EPHB2: variants seen among roughly 807,000 people sequenced by gnomAD.
EPHB2 encodes ephrin type-B receptor 2.
In EPHB2, 18 loss-of-function variants were observed where a neutral mutation model predicts 96.4. That is an observed-to-expected ratio of 0.19 (90% confidence interval 0.13 to 0.28). EPHB2 has a LOEUF of 0.28. Among genes scored for constraint, EPHB2 ranks in the 10% least tolerant of loss-of-function variants. EPHB2 has a pLI of 1.00. For missense variants in EPHB2, 989 were observed against 1,355.4 expected (o/e 0.73, Z 4.25); for synonymous variants, 506 against 534.1 (o/e 0.95, Z 0.72).
At chr1:22,770,756 A>G (rs1459851646) in intron 1 of EPHB2, among the ~76,000 whole-genome samples, 1 of 152,134 alleles carries the variant, frequency 6.6e-6, no homozygotes, top group African/African-American at 2.4e-5. Context: ...GCAGGAAGGA[A>G]GGGATGAAGG....
intron 3 of EPHB2, among the ~76,000 whole-genome samples, chr1:22,835,413 A>T (rs181449855): frequency 1.3e-5 from 2 of 152,168 alleles, no homozygotes; most frequent in Non-Finnish European, 2.9e-5. Flanking sequence ...GAAAGAGGAC[A>T]TAACAGGAAG....
chr1:22,826,432 CTT>C (rs764300602), intron 3 of EPHB2, among the ~76,000 whole-genome samples: 2 of 152,200 alleles, frequency 1.3e-5, no homozygotes, highest in Non-Finnish European at 2.9e-5. Context: ...AGAATTTAAA[CTT>C]TTGATGTTTA....
At chr1:22,725,822 C>G (rs1241410078) in intron 1 of EPHB2, among the ~76,000 whole-genome samples, 1 of 152,200 alleles carries the variant, frequency 6.6e-6, no homozygotes, top group Non-Finnish European at 1.5e-5. Flanking sequence ...TCTACTCATT[C>G]CACCTTGAGA....
chr1:22,912,951 T>C (rs539625505), intron 15 of EPHB2: 26 of 368,530 alleles, frequency 7.1e-5, no homozygotes, highest in African/African-American at 4.6e-4. Flanking sequence ...TCTTAGTACA[T>C]TGGGAGGCCG....
intron 3 of EPHB2, among the ~76,000 whole-genome samples, chr1:22,805,654 G>C (rs1159936694): frequency 6.6e-6 from 1 of 152,190 alleles, no homozygotes; most frequent in African/African-American, 2.4e-5. Context: ...AGCGGGTGGG[G>C]GTGCAAAGGC....
chr1:22,740,995 C>T (rs533910856), intron 1 of EPHB2, among the ~76,000 whole-genome samples: 7 of 152,112 alleles, frequency 4.6e-5, no homozygotes, highest in Admixed American at 1.3e-4. Flanking sequence ...TTGCTGACGG[C>T]GGGGATTGAC....
intron 12 of EPHB2, 84 bp downstream of exon 12, chr1:22,908,252 C>A: frequency 6.5e-7 from 1 of 1,529,362 alleles, no homozygotes; most frequent in Non-Finnish European, 9.0e-7. Context: ...GACACTTTCA[C>A]TAACGCCCAA....
chr1:22,892,786 A>T, intron 6 of EPHB2, 98 bp from the exon 7 acceptor site: 4 of 1,478,414 alleles, frequency 2.7e-6, no homozygotes, highest in Non-Finnish European at 3.8e-6. Flanking sequence ...TGTTTATCCA[A>T]TGGCCAGACC....
Position 22,858,366 on chromosome 1 carries a change from A to T in EPHB2, c.812-4671A>T, listed in dbSNP as rs1489371160. On this transcript the variant is annotated intron_variant, in intron 3 of 15. Transcript: ENST00000374630. This position sits in a 1 kb window ranked among gnomAD's most constrained non-coding sequence, Gnocchi z 7.7. ...GTTTAGACAAGATGCCGCAGGTCTG[A>T]TTCATTTTAAACAGATCACTCCAGG... Among the ~76,000 whole-genome samples, 2 of 152,142 alleles carry T rather than the reference A, an allele frequency of 1.3e-5. No individual in the cohort carries two copies. Among genetic ancestry groups the T allele is most frequent in the African/African-American group, 4.8e-5 (2 of 41,438 alleles).
intron 3 of EPHB2, among the ~76,000 whole-genome samples, chr1:22,832,092 A>G (rs918829693): frequency 1.6e-4 from 24 of 152,052 alleles, no homozygotes; most frequent in Non-Finnish European, 3.4e-4. Flanking sequence ...TTGAGCGGGG[A>G]ATAGGGAGAG....
rs549577691 is a variant in EPHB2, at chr1:22,759,581, C to T, written c.62-21840C>T. On this transcript the variant is annotated intron_variant, in intron 1 of 15. Coordinates refer to ENST00000374630, the MANE Select transcript of EPHB2 (RefSeq NM_017449.5). ...TGTCCCTGACAGTGATGGGAAGGGGCCTTGCAAACTGTTTAGGACTGCGCT... is the reference window on the plus strand; with the variant it reads ...TGTCCCTGACAGTGATGGGAAGGGGTCTTGCAAACTGTTTAGGACTGCGCT... 3.9e-5 allele frequency among the ~76,000 whole-genome samples: 6 copies of T among 152,208 alleles called. No homozygotes were observed. The East Asian group carries it at 1.2e-3, about 29-fold the overall frequency.
At chr1:22,764,919 C>T (rs926174659) in intron 1 of EPHB2, among the ~76,000 whole-genome samples, 1 of 152,110 alleles carries the variant, frequency 6.6e-6, no homozygotes. Context: ...GTTTCACCCT[C>T]GCCAGTTTGG....
chr1:22,874,803 C>G (rs1169370564), intron 5 of EPHB2, among the ~76,000 whole-genome samples: 2 of 152,132 alleles, frequency 1.3e-5, no homozygotes, highest in Non-Finnish European at 2.9e-5. Context: ...ATAATAATGT[C>G]TCCTGGACCC....
chr1:22,808,221 G>A (rs1644954967), intron 3 of EPHB2, among the ~76,000 whole-genome samples: 1 of 152,154 alleles, frequency 6.6e-6, no homozygotes, highest in South Asian at 2.1e-4. Context: ...GGCCCATTGT[G>A]GATGAGGGGA....
rs1241905887 is a variant in EPHB2 at position 22,915,232 on chromosome 1, A to G, written c.*1662A>G. 2 of 152,130 alleles carry G rather than the reference A, an allele frequency of 1.3e-5. No individual in the cohort carries two copies. The highest frequency in any genetic ancestry group is 2.9e-5 in the Non-Finnish European group (2 of 68,032). 9.4% of individuals were successfully genotyped at this position (152,130 alleles called of 1,614,324 possible). ...CCATGGGGACGCCCTCAGTCTAGGG[A>G]TCTGGCCACAGACTCCCTCCTGTGA... On this transcript the variant is annotated 3_prime_UTR_variant, in exon 16 of 16. Transcript: ENST00000374630.
intron 3 of EPHB2, among the ~76,000 whole-genome samples, chr1:22,837,819 A>G (rs756289116): frequency 6.6e-6 from 1 of 152,102 alleles, no homozygotes; most frequent in African/African-American, 2.4e-5. Context: ...TTGTTTACCC[A>G]GCTGGTGTGA....
In EPHB2 at chr1:22,858,096, G is replaced by T. The variant is rs190770774; in HGVS notation, c.812-4941G>T. 6.6e-6 allele frequency among the ~76,000 whole-genome samples: 1 copy of T among 152,266 alleles called. No homozygotes were observed. The highest frequency in any genetic ancestry group is 1.9e-4 in the East Asian group (1 of 5,188). On this transcript the variant is annotated intron_variant, in intron 3 of 15. Coordinates refer to ENST00000374630, the MANE Select transcript of EPHB2 (RefSeq NM_017449.5). The surrounding 1 kb of genome is among the most constrained non-coding windows in gnomAD (Gnocchi z 7.7). ...TCGGAGGAGGTGGCATTTAAGCTGG[G>T]GTCTGAAGGAGGAAAAGGAGCCAGC...
chr1:22,781,242 C>T lies in EPHB2; in HGVS notation c.62-179C>T, dbSNP rs570127311. 6.7e-5 allele frequency among the ~76,000 whole-genome samples: 10 copies of T among 149,106 alleles called. No individual in the cohort carries two copies. In the South Asian group the frequency reaches 2.1e-3, roughly 32 times the overall value. On this transcript the variant is annotated intron_variant, in intron 1 of 15. Transcript: ENST00000374630. Reference sequence around the variant, plus strand: ...GGCTGAGGCAGGAGAATGGCCTGAACGTGGGAGGCGGAGCTTGCAGTGAGC... The same window carrying T: ...GGCTGAGGCAGGAGAATGGCCTGAATGTGGGAGGCGGAGCTTGCAGTGAGC...
intron 6 of EPHB2, 88 bp from the exon 7 acceptor site, chr1:22,892,796 C>T (rs1374704543): frequency 5.8e-6 from 9 of 1,546,348 alleles, no homozygotes; most frequent in East Asian, 2.2e-5. Flanking sequence ...ATGGCCAGAC[C>T]TGCCCCCAAT....
Sources: allele counts gnomAD v4.1 joint callset (sites outside exome capture counted in the v4.1 genomes callset), GRCh38; gene constraint gnomAD v4.1.1; non-coding constraint Gnocchi (gnomAD v3.1); transcripts MANE v1.5; gene names NCBI Gene and HGNC (gene_info 2026-07-23, HGNC 2026-07-21).